SNTG1: variants seen among roughly 807,000 people sequenced by gnomAD.
The protein encoded by SNTG1 is syntrophin gamma 1.
Under a neutral mutation model 74.7 loss-of-function variants are expected in SNTG1, and 39 were observed. That is an observed-to-expected ratio of 0.52 (90% confidence interval 0.40 to 0.68). SNTG1 has a LOEUF of 0.68. Among genes scored for constraint, SNTG1 ranks in the 30% least tolerant of loss-of-function variants. The pLI is 0.00. For missense variants in SNTG1, 685 were observed against 609.5 expected (o/e 1.12, Z -1.30); for synonymous variants, 254 against 217.1 (o/e 1.17, Z -1.49).
chr8:49,987,945 A>G (rs1384060378), intron 1 of SNTG1, among the ~76,000 whole-genome samples: 1 of 152,122 alleles, frequency 6.6e-6, no homozygotes, highest in Non-Finnish European at 1.5e-5. Context: ...TTATGCCACT[A>G]CCTTTAATGG....
chr8:50,307,732 G>A (rs915554563), intron 2 of SNTG1, among the ~76,000 whole-genome samples: 10 of 152,024 alleles, frequency 6.6e-5, no homozygotes, highest in South Asian at 2.1e-4. Flanking sequence ...TTCTGTCTTC[G>A]ATGTTTTTCT....
chr8:50,371,831 A>G (rs1358929639), intron 2 of SNTG1, among the ~76,000 whole-genome samples: 1 of 152,060 alleles, frequency 6.6e-6, no homozygotes, highest in Non-Finnish European at 1.5e-5. Flanking sequence ...CTTAAAATCA[A>G]TTTTGTGTAA....
At chr8:50,625,804 T>G (rs553833845) in intron 13 of SNTG1, among the ~76,000 whole-genome samples, 68 of 152,350 alleles carry the variant, frequency 4.5e-4, no homozygotes, top group Non-Finnish European at 6.5e-4. Flanking sequence ...TTCATCTAAA[T>G]TTGTCATAAA....
chr8:50,315,954 A>G (rs1208147379), intron 2 of SNTG1, among the ~76,000 whole-genome samples: 1 of 152,178 alleles, frequency 6.6e-6, no homozygotes, highest in Non-Finnish European at 1.5e-5. Flanking sequence ...ACTTCACTCA[A>G]AAAAGAAAAA....
At chr8:50,090,419 C>T (rs550417522) in intron 1 of SNTG1, among the ~76,000 whole-genome samples, 1 of 152,238 alleles carries the variant, frequency 6.6e-6, no homozygotes, top group East Asian at 1.9e-4. Flanking sequence ...GCAAGACAGG[C>T]TTTCCCTTCA....
At chr8:49,978,314 A>G (rs2130088404) in intron 1 of SNTG1, among the ~76,000 whole-genome samples, 1 of 152,238 alleles carries the variant, frequency 6.6e-6, no homozygotes, top group East Asian at 1.9e-4. Context: ...GGAAGAAGAG[A>G]ACAGGGCTAG....
chr8:50,561,722 A>T (rs773140434), intron 12 of SNTG1, among the ~76,000 whole-genome samples: 84 of 152,290 alleles, frequency 5.5e-4, no homozygotes, highest in Admixed American at 8.5e-4. Context: ...AAAATAATAG[A>T]TTACGGAATC....
chr8:50,628,387 A>AT (rs568007949), intron 13 of SNTG1, among the ~76,000 whole-genome samples: 38 of 151,756 alleles, frequency 2.5e-4, no homozygotes, highest in African/African-American at 8.9e-4. Context: ...TAGTTTGTGC[A>AT]TTTTTTTCTG....
chr8:50,297,880 CTTT>C (rs35875751), intron 2 of SNTG1, among the ~76,000 whole-genome samples: 6 of 137,496 alleles, frequency 4.4e-5, no homozygotes, highest in African/African-American at 5.3e-5. Context: ...AAATATGTGG[CTTT>C]TTTTTTTTTT....
intron 2 of SNTG1, among the ~76,000 whole-genome samples, chr8:50,388,119 G>A (rs527705385): frequency 6.6e-6 from 1 of 152,148 alleles, no homozygotes; most frequent in East Asian, 1.9e-4. Flanking sequence ...CATGGCTATA[G>A]GAGATAAGGG....
chr8:50,329,540 C>T (rs1189672472), intron 2 of SNTG1, among the ~76,000 whole-genome samples: 1 of 152,022 alleles, frequency 6.6e-6, no homozygotes, highest in African/African-American at 2.4e-5. Flanking sequence ...AAGCAACAGC[C>T]CAAGTTGTAC....
chr8:50,587,779 G>T (rs1218523474), intron 12 of SNTG1, among the ~76,000 whole-genome samples: 1 of 148,228 alleles, frequency 6.7e-6, no homozygotes, highest in Non-Finnish European at 1.5e-5. Context: ...CCTGGGGGAC[G>T]AGAGTGAGAC....
At chr8:50,636,521 G>C (rs546229090) in intron 13 of SNTG1, among the ~76,000 whole-genome samples, 52 of 152,206 alleles carry the variant, frequency 3.4e-4, no homozygotes, top group African/African-American at 1.2e-3. Context: ...GTGGGCATCA[G>C]CTGAGTTCTA....
chr8:50,642,147 C>T (rs542087789), intron 13 of SNTG1, among the ~76,000 whole-genome samples: 2 of 152,036 alleles, frequency 1.3e-5, no homozygotes, highest in East Asian at 1.9e-4. Flanking sequence ...TTGCAAAGAT[C>T]GAAAACTTTC....
At chr8:50,612,917 C>T (rs1250364981) in intron 13 of SNTG1, among the ~76,000 whole-genome samples, 2 of 151,888 alleles carry the variant, frequency 1.3e-5, no homozygotes, top group African/African-American at 4.8e-5. Context: ...AATTTAGTTG[C>T]AGAGTTCAAT....
At chr8:50,492,824 T>G (rs2093869868) in intron 8 of SNTG1, among the ~76,000 whole-genome samples, 1 of 152,238 alleles carries the variant, frequency 6.6e-6, no homozygotes, top group African/African-American at 2.4e-5. Flanking sequence ...ATGTCCTGAA[T>G]GGTACTGTCT....
intron 9 of SNTG1, among the ~76,000 whole-genome samples, chr8:50,522,411 C>A (rs2094186862): frequency 6.6e-6 from 1 of 152,006 alleles, no homozygotes; most frequent in African/African-American, 2.4e-5. Context: ...CCTTGTTGTT[C>A]CATTTCTAGA....
intron 15 of SNTG1, among the ~76,000 whole-genome samples, chr8:50,670,010 C>A (rs955688249): frequency 2.0e-5 from 3 of 152,164 alleles, no homozygotes; most frequent in African/African-American, 7.2e-5. Context: ...GCTAAAAACT[C>A]TCAATAAATT....
At chr8:50,546,224 G>A (rs1160083633) in intron 11 of SNTG1, among the ~76,000 whole-genome samples, 2 of 143,004 alleles carry the variant, frequency 1.4e-5, no homozygotes, top group Non-Finnish European at 3.0e-5. Flanking sequence ...AATTGTAGAA[G>A]CAAATTGATA....
Sources: gnomAD v4.1 joint callset for allele counts (sites outside exome capture counted in the v4.1 genomes callset) on GRCh38, gnomAD v4.1.1 for gene constraint, MANE v1.5 for transcripts, NCBI Gene and HGNC (gene_info 2026-07-23, HGNC 2026-07-21) for gene names.